The following CEACAM21 variants were observed in gnomAD, a reference collection of about 807,000 sequenced individuals.
CEACAM21 encodes CEA cell adhesion molecule 21.
CEACAM21 carries 38 observed loss-of-function variants against 33.2 expected under a neutral mutation model. The ratio of observed to expected loss-of-function variants is 1.14; its 90% CI spans 0.88 to 1.50. CEACAM21 has a LOEUF of 1.50. Ranked by LOEUF, CEACAM21 falls within the 40% of genes most tolerant of loss-of-function variation. The probability of loss-of-function intolerance (pLI) is 0.00; values close to 1 mark genes in which losing one functional copy is unlikely to be tolerated. For synonymous variants in CEACAM21, 156 were observed against 143.0 expected (o/e 1.09, Z -0.65); for missense variants, 385 against 364.6 (o/e 1.06, Z -0.46).
chr19:41,566,476 T>G (rs1265119676), intron 2 of CEACAM21, among the ~76,000 whole-genome samples: 2 of 152,232 alleles, frequency 1.3e-5, no homozygotes, highest in Non-Finnish European at 2.9e-5. Context: ...TGGAGAAGTA[T>G]TTTCTGATGT....
intron 1 of CEACAM21, among the ~76,000 whole-genome samples, chr19:41,562,247 A>AAAAAC (rs1294134073): frequency 1.1e-4 from 17 of 151,858 alleles, no homozygotes; most frequent in Admixed American, 4.6e-4. Flanking sequence ...TCCATCTCAA[A>AAAAAC]AAAACAAAAC....
chr19:41,553,672 C>T (rs1276856588), intron 1 of CEACAM21: 5 of 152,004 alleles, frequency 3.3e-5, no homozygotes, highest in Non-Finnish European at 5.9e-5. Flanking sequence ...GGATTCCTGA[C>T]CTGTCAGAAT....
intron 1 of CEACAM21, among the ~76,000 whole-genome samples, chr19:41,564,158 C>G (rs12983999): frequency 0.42 from 63,441 of 151,706 alleles, 17,178 homozygotes; most frequent in African/African-American, 0.77. Context: ...AACCCACAGA[C>G]AGGGATGAAA....
At chr19:41,575,066 T>A (rs139524436), upstream of CEACAM21, among the ~76,000 whole-genome samples, 3 of 152,208 alleles carry the variant, frequency 2.0e-5, no homozygotes, top group Non-Finnish European at 4.4e-5. Flanking sequence ...AGTGTTACCC[T>A]AAGAGAAATA....
At chr19:41,555,500 A>G (rs529763970) in intron 1 of CEACAM21, 7 of 152,044 alleles carry the variant, frequency 4.6e-5, no homozygotes, top group Non-Finnish European at 1.0e-4. Flanking sequence ...AGAAGCCAAC[A>G]AAGTATTTGC....
At chr19:41,576,529 T>G (rs145016580) in intron 1 of CEACAM21, among the ~76,000 whole-genome samples, 191 bp downstream of exon 1, 1 of 152,340 alleles carries the variant, frequency 6.6e-6, no homozygotes, top group African/African-American at 2.4e-5. Flanking sequence ...TCTCAGTTGG[T>G]CCATGTTTTC....
At chr19:41,582,596 C>A (rs1354990652) in intron 3 of CEACAM21, among the ~76,000 whole-genome samples, 1 of 152,260 alleles carries the variant, frequency 6.6e-6, no homozygotes, top group Non-Finnish European at 1.5e-5. Context: ...AAACCTCAAT[C>A]CTTGACTTCT....
At position 41,577,414 on chromosome 19, in the gene CEACAM21, T is replaced by G. The variant is rs1555791656; in HGVS notation, c.279T>G (p.Pro93=). The G allele has an allele frequency of 6.2e-7, 1 of 1,614,144 alleles. No individual in the cohort carries two copies. The highest frequency in any genetic ancestry group is 2.2e-5 in the East Asian group (1 of 44,884). The part of the protein sequence containing the change: ...VIDTHVRTPG[P]AYSGRETISP... ...ACACTCACGTTAGGACTCCAGGGCC[T>G]GCATACAGCGGTCGAGAGACAATAT... The change falls in exon 2 of 7, where the codon CCT becomes CCG. Residue 93 remains proline (P), a synonymous_variant. Transcript: ENST00000401445.
intron 2 of CEACAM21, among the ~76,000 whole-genome samples, chr19:41,570,128 G>A (rs1555789165): frequency 1.3e-5 from 2 of 152,202 alleles, no homozygotes; most frequent in African/African-American, 2.4e-5. Flanking sequence ...GGGGTGTCAG[G>A]AGAGCTGGGC....
chr19:41,549,858 T>A (rs571909999), intron 1 of CEACAM21, among the ~76,000 whole-genome samples: 18 of 152,286 alleles, frequency 1.2e-4, no homozygotes, highest in Middle Eastern at 6.8e-3. Context: ...GTGCCCAATT[T>A]TTTTTTAATT....
At chr19:41,566,821 T>C (rs2042293287) in intron 2 of CEACAM21, among the ~76,000 whole-genome samples, 1 of 152,242 alleles carries the variant, frequency 6.6e-6, no homozygotes, top group African/African-American at 2.4e-5. Context: ...AACTGTCTTT[T>C]TAATTGCTTT....
At chr19:41,550,351 T>C (rs1460136506) in intron 1 of CEACAM21, 1 of 152,230 alleles carries the variant, frequency 6.6e-6, no homozygotes, top group Non-Finnish European at 1.5e-5. Flanking sequence ...AAAATTATGT[T>C]TGTGGATGAA....
intron 1 of CEACAM21, among the ~76,000 whole-genome samples, chr19:41,558,248 T>C (rs1437193913): frequency 1.3e-5 from 2 of 152,218 alleles, no homozygotes; most frequent in South Asian, 2.1e-4. Context: ...GCAAAACACA[T>C]AGATGAAATT....
intron 2 of CEACAM21, among the ~76,000 whole-genome samples, chr19:41,567,572 C>T (rs191883086): frequency 7.9e-5 from 12 of 152,330 alleles, no homozygotes; most frequent in Admixed American, 3.9e-4. Flanking sequence ...GATGTTGCTA[C>T]TAATCCTGAA....
At chr19:41,574,195 C>T (rs1555790273), upstream of CEACAM21, among the ~76,000 whole-genome samples, 1 of 152,166 alleles carries the variant, frequency 6.6e-6, no homozygotes, top group South Asian at 2.1e-4. Flanking sequence ...CAAAAGTTAA[C>T]TCAAAATGTT....
chr19:41,584,481 C>A, intron 4 of CEACAM21, 38 bp downstream of exon 4: 1 of 1,552,890 alleles, frequency 6.4e-7, no homozygotes, highest in East Asian at 2.3e-5. Flanking sequence ...CCATCCTTCA[C>A]GCTGACCCCA....
rs189786506 is a variant in CEACAM21 at position 41,556,477 on chromosome 19, C to T, written c.-779+6925C>T. On this transcript the variant is annotated intron_variant, in intron 1 of 7. Transcript: ENST00000407170. ...TACATATAATTAAATATTAGCTTTT[C>T]ATGAAGCCGACTTCTGACCATAGAG... Among the ~76,000 whole-genome samples, 680 of 152,292 alleles carry T rather than the reference C, an allele frequency of 4.5e-3. 9 individuals are homozygous for T. The highest frequency in any genetic ancestry group is 0.016 in the African/African-American group (645 of 41,548).
chr19:41,568,033 G>T (rs1189225136), intron 2 of CEACAM21, among the ~76,000 whole-genome samples: 3 of 152,100 alleles, frequency 2.0e-5, no homozygotes, highest in Non-Finnish European at 4.4e-5. Context: ...GGATCATTGA[G>T]GGATGTGCTT....
intron 3 of CEACAM21, among the ~76,000 whole-genome samples, chr19:41,581,676 G>A (rs554050299): frequency 2.6e-5 from 4 of 152,300 alleles, no homozygotes; most frequent in South Asian, 4.2e-4. Context: ...ATGGCGGCAG[G>A]CAAGAGGGCA....
Sources: gnomAD v4.1 joint callset for allele counts (sites outside exome capture counted in the v4.1 genomes callset) on GRCh38, gnomAD v4.1.1 for gene constraint, MANE v1.5 for transcripts, NCBI Gene and HGNC (gene_info 2026-07-23, HGNC 2026-07-21) for gene names.